FOXK1: variants seen among roughly 807,000 people sequenced by gnomAD.
The protein encoded by FOXK1 is forkhead box protein K1.
Under a neutral mutation model 51.9 loss-of-function variants are expected in FOXK1, and 19 were observed. The ratio of observed to expected loss-of-function variants is 0.37; its 90% confidence interval spans 0.26 to 0.54. The LOEUF is 0.54. FOXK1 is among the 20% of genes least tolerant of loss of function. The probability of loss-of-function intolerance (pLI) is 0.87; values close to 1 mark genes in which losing one functional copy is unlikely to be tolerated. For synonymous variants in FOXK1, 537 were observed against 482.6 expected (o/e 1.11, Z -1.48); for missense variants, 870 against 1,032.7 (o/e 0.84, Z 2.16).
chr7:4,694,342 A>T (rs184149172), intron 1 of FOXK1, among the ~76,000 whole-genome samples: 7 of 152,124 alleles, frequency 4.6e-5, no homozygotes, highest in East Asian at 3.9e-4. Flanking sequence ...ATAAAAATTC[A>T]TTTTCTCCCT....
At chr7:4,750,861 C>T (rs556171384) in intron 2 of FOXK1, among the ~76,000 whole-genome samples, 27 of 151,892 alleles carry the variant, frequency 1.8e-4, no homozygotes, top group African/African-American at 5.3e-4. Flanking sequence ...TGCACCACCA[C>T]GTCTGGCTGA....
At position 4,729,306 on chromosome 7, in the gene FOXK1, G is replaced by A. The variant is rs542814574; in HGVS notation, c.561-11532G>A. ...GGAACGTCTGCTAGAAATGCAGATC[G>A]CTGGGGCCACCGCCGTTTGGCCGTG... On this transcript the variant is annotated intron_variant, in intron 1 of 8. Coordinates refer to ENST00000328914, the MANE Select transcript of FOXK1 (RefSeq NM_001037165.2). This position sits in a 1 kb window ranked among gnomAD's most constrained non-coding sequence, Gnocchi z 6.2. 2.6e-5 allele frequency among the ~76,000 whole-genome samples: 4 copies of A among 152,138 alleles called. No individual in the cohort carries two copies. The highest frequency in any genetic ancestry group is 2.1e-4 in the South Asian group (1 of 4,828).
rs1404112861 is a variant in FOXK1, at chr7:4,683,641, C to A, written c.560+773C>A. On this transcript the variant is annotated intron_variant, in intron 1 of 8. Coordinates refer to ENST00000328914, the MANE Select transcript of FOXK1 (RefSeq NM_001037165.2). This position sits in a 1 kb window ranked among gnomAD's most constrained non-coding sequence, Gnocchi z 4.5. ...AGCCTGACCTGGTTCTCAGGACCACCCCCGACCCCCACCAGCCAGGGCCTC... is the reference window on the plus strand; with the variant it reads ...AGCCTGACCTGGTTCTCAGGACCACACCCGACCCCCACCAGCCAGGGCCTC... 3.9e-5 allele frequency among the ~76,000 whole-genome samples: 6 copies of A among 152,120 alleles called. No individual in the cohort carries two copies. Among genetic ancestry groups the A allele is most frequent in the Non-Finnish European group, 8.8e-5 (6 of 68,002 alleles).
chr7:4,752,257 G>A (rs1780789261), intron 2 of FOXK1, among the ~76,000 whole-genome samples: 1 of 152,228 alleles, frequency 6.6e-6, no homozygotes, highest in African/African-American at 2.4e-5. Flanking sequence ...CAGTCCTCCT[G>A]CCTCAGCCTC....
chr7:4,687,923 GT>G (rs1332825687), intron 1 of FOXK1, among the ~76,000 whole-genome samples: 1 of 152,072 alleles, frequency 6.6e-6, no homozygotes, highest in African/African-American at 2.4e-5. Flanking sequence ...TAGAGACAGG[GT>G]CTCAACCATG....
rs938334764 is a variant in FOXK1 at position 4,731,691 on chromosome 7, G to A, written c.561-9147G>A. Reference sequence around the variant, plus strand: ...AGGAGAATCGCTTGGACCTGGAGGCGGAGGTTGCAGTGAGCTGAGATTGCA... The same window carrying A: ...AGGAGAATCGCTTGGACCTGGAGGCAGAGGTTGCAGTGAGCTGAGATTGCA... On this transcript the variant is annotated intron_variant, in intron 1 of 8. Coordinates refer to ENST00000328914, the MANE Select transcript of FOXK1 (RefSeq NM_001037165.2). This position sits in a 1 kb window ranked among gnomAD's most constrained non-coding sequence, Gnocchi z 5.3. Among the ~76,000 whole-genome samples, 3 of 151,374 alleles carry A rather than the reference G, an allele frequency of 2.0e-5. No homozygotes were observed. Among genetic ancestry groups the A allele is most frequent in the African/African-American group, 2.4e-5 (1 of 41,152 alleles).
intron 2 of FOXK1, among the ~76,000 whole-genome samples, chr7:4,741,391 C>T (rs1447707964): frequency 3.3e-5 from 5 of 152,082 alleles, no homozygotes; most frequent in South Asian, 2.1e-4. Context: ...AGCAGTGGCG[C>T]GATCTCGGCT....
chr7:4,761,330 T>C lies in FOXK1; in HGVS notation c.1921+42T>C, dbSNP rs376583783. ...GTTCTCCATGCCACATCCCAAGCTC[T>C]GTGGCTCCCAGTAGTCAGTGCGGCA... On this transcript the variant is annotated intron_variant, in intron 8 of 8. Coordinates refer to ENST00000328914, the MANE Select transcript of FOXK1 (RefSeq NM_001037165.2). The surrounding 1 kb of genome is among the most constrained non-coding windows in gnomAD (Gnocchi z 6.2). The C allele has an allele frequency of 1.5e-5, 23 of 1,572,072 alleles. No individual in the cohort carries two copies. In the African/African-American group the frequency reaches 2.0e-4, roughly 14 times the overall value.
At position 4,762,081 on chromosome 7, in the gene FOXK1, C is replaced by A. The variant is rs1028542634; in HGVS notation, c.1922-103C>A. On this transcript the variant is annotated intron_variant, in intron 8 of 8. Coordinates refer to ENST00000328914, the MANE Select transcript of FOXK1 (RefSeq NM_001037165.2). This position sits in a 1 kb window ranked among gnomAD's most constrained non-coding sequence, Gnocchi z 5.7. ...TCCTGCCTGGCAGGGGTGCACTGAC[C>A]TCCGGTTCCGGCTTGGTGGCTTAGC... 1.1e-4 allele frequency: 153 copies of A among 1,381,438 alleles called. No individual in the cohort carries two copies. Among genetic ancestry groups the A allele is most frequent in the Non-Finnish European group, 1.5e-4 (152 of 1,024,782 alleles). 85.6% of individuals were successfully genotyped at this position (1,381,438 alleles called of 1,614,324 possible).
Position 4,769,631 on chromosome 7 carries a change from G to C in FOXK1, c.*7167G>C, listed in dbSNP as rs1052981239. On this transcript the variant is annotated 3_prime_UTR_variant, in exon 9 of 9. Transcript: ENST00000328914. The surrounding 1 kb of genome is among the most constrained non-coding windows in gnomAD (Gnocchi z 4.1). ...ATTTTTGTATTTCTAATAGAGATGA[G>C]AGTGTTACCATGTTGGTCAGGCTGG... The C allele has an allele frequency of 6.6e-6, 1 of 152,210 alleles. No individual in the cohort carries two copies. The highest frequency in any genetic ancestry group is 2.4e-5 in the African/African-American group (1 of 41,418). The allele number at this position is 152,210 out of a possible 1,614,324, so 9.4% of individuals were successfully genotyped here. A position where few individuals can be genotyped will look rare whatever the true frequency, so the allele number is the denominator to read the frequency against.
chr7:4,683,115 G>A lies in FOXK1; in HGVS notation c.560+247G>A, dbSNP rs1779774460. The stretch of plus-strand genomic sequence containing the variant: ...CCTGAGGATCTCCTCCACTTTCCCC[G>A]GTCTGGATACCCCGTCGCCCCCGAC... On this transcript the variant is annotated intron_variant, in intron 1 of 8. Transcript: ENST00000328914. The surrounding 1 kb of genome is among the most constrained non-coding windows in gnomAD (Gnocchi z 4.5). Among the ~76,000 whole-genome samples, 1 of 149,340 alleles carries A rather than the reference G, an allele frequency of 6.7e-6. No individual in the cohort carries two copies. Among genetic ancestry groups the A allele is most frequent in the Non-Finnish European group, 1.5e-5 (1 of 67,432 alleles).
intron 5 of FOXK1, among the ~76,000 whole-genome samples, chr7:4,757,543 T>C (rs1780870991): frequency 7.1e-6 from 1 of 141,450 alleles, no homozygotes; most frequent in Non-Finnish European, 1.5e-5. Context: ...GGTAGGAGAA[T>C]CGCTTGAATC....
rs1413260912 is a variant in FOXK1 at position 4,749,050 on chromosome 7, C to T, written c.747-5409C>T. ...CCTCTGAGCTGAGTCTCTCATGCCT[C>T]TCCTTTCCTTTCTCTCTCTACTTTC... On this transcript the variant is annotated intron_variant, in intron 2 of 8. Transcript: ENST00000328914. The surrounding 1 kb of genome is among the most constrained non-coding windows in gnomAD (Gnocchi z 6.0). Among the ~76,000 whole-genome samples the T allele has an allele frequency of 6.6e-6, 1 of 152,192 alleles. No individual in the cohort carries two copies. Among genetic ancestry groups the T allele is most frequent in the Admixed American group, 6.5e-5 (1 of 15,276 alleles).
In FOXK1 at chr7:4,767,273, A is replaced by G. The variant is rs1781025191; in HGVS notation, c.*4809A>G. 1 of 152,218 alleles carries G rather than the reference A, an allele frequency of 6.6e-6. No homozygotes were observed. The highest frequency in any genetic ancestry group is 6.5e-5 in the Admixed American group (1 of 15,280). 9.4% of individuals were successfully genotyped at this position (152,218 alleles called of 1,614,324 possible). On this transcript the variant is annotated 3_prime_UTR_variant, in exon 9 of 9. Transcript: ENST00000328914. This position sits in a 1 kb window ranked among gnomAD's most constrained non-coding sequence, Gnocchi z 6.6. ...TGCAGGACGGAATCGCGCGCTCCTC[A>G]CGCTGGAGTAAGTTACGAAACATGA...
In FOXK1 at chr7:4,745,025, G is replaced by A. The variant is rs1780683618; in HGVS notation, c.746+4002G>A. Among the ~76,000 whole-genome samples the A allele has an allele frequency of 6.6e-6, 1 of 152,200 alleles. No individual in the cohort carries two copies. Among genetic ancestry groups the A allele is most frequent in the South Asian group, 2.1e-4 (1 of 4,832 alleles). On this transcript the variant is annotated intron_variant, in intron 2 of 8. Coordinates refer to ENST00000328914, the MANE Select transcript of FOXK1 (RefSeq NM_001037165.2). The surrounding 1 kb of genome is among the most constrained non-coding windows in gnomAD (Gnocchi z 4.3). ...CCTGCCAAGATACTTTTCAGTTTGA[G>A]TTTCTGCTGTAGGGTGGAGCCGGCG... is the stretch of plus-strand genomic sequence containing the variant.
At chr7:4,701,764 G>A (rs112923920) in intron 1 of FOXK1, among the ~76,000 whole-genome samples, 42 of 152,330 alleles carry the variant, frequency 2.8e-4, no homozygotes, top group Middle Eastern at 3.4e-3. Context: ...ATGGTGGCGG[G>A]CGCCTGTAGT....
rs572886919 is a variant in FOXK1, at chr7:4,711,090, CT to C, written c.560+28223del. Among the ~76,000 whole-genome samples, 294 of 152,300 alleles carry C rather than the reference CT, an allele frequency of 1.9e-3. No individual in the cohort carries two copies. The highest frequency in any genetic ancestry group is 6.7e-3 in the African/African-American group (280 of 41,570). ...ATGGATGGAGACGGCTGTCCATCAGCTGTGCAGGGCCAAGCTGGGCCTGGAT... is the reference window on the plus strand; with the variant it reads ...ATGGATGGAGACGGCTGTCCATCAGCGTGCAGGGCCAAGCTGGGCCTGGAT... On this transcript the variant is annotated intron_variant, in intron 1 of 8. Transcript: ENST00000328914. This position sits in a 1 kb window ranked among gnomAD's most constrained non-coding sequence, Gnocchi z 6.3.
chr7:4,722,470 A>G lies in FOXK1; in HGVS notation c.561-18368A>G, dbSNP rs376408300. Among the ~76,000 whole-genome samples, 3 of 152,180 alleles carry G rather than the reference A, an allele frequency of 2.0e-5. No homozygotes were observed. The highest frequency in any genetic ancestry group is 4.4e-5 in the Non-Finnish European group (3 of 68,042). On this transcript the variant is annotated intron_variant, in intron 1 of 8. Coordinates refer to ENST00000328914, the MANE Select transcript of FOXK1 (RefSeq NM_001037165.2). This position sits in a 1 kb window ranked among gnomAD's most constrained non-coding sequence, Gnocchi z 5.1. ...CAAGTGGCAGCGGTGCCGGACATAC[A>G]CGGCAGGGCAGTGGGCTGCTCAGCA...
rs1029379591 is a variant in FOXK1 at position 4,730,699 on chromosome 7, C to T, written c.561-10139C>T. On this transcript the variant is annotated intron_variant, in intron 1 of 8. Coordinates refer to ENST00000328914, the MANE Select transcript of FOXK1 (RefSeq NM_001037165.2). This position sits in a 1 kb window ranked among gnomAD's most constrained non-coding sequence, Gnocchi z 4.7. The stretch of plus-strand genomic sequence containing the variant: ...CACTGCTCTTAGCTGCTGGCGAAGA[C>T]GTGGTCTCTGCAATAGAGAGGCGCC... Among the ~76,000 whole-genome samples, 2 of 152,170 alleles carry T rather than the reference C, an allele frequency of 1.3e-5. No individual in the cohort carries two copies. The highest frequency in any genetic ancestry group is 2.9e-5 in the Non-Finnish European group (2 of 68,028).
Sources: gnomAD v4.1 joint callset for allele counts (sites outside exome capture counted in the v4.1 genomes callset) on GRCh38, gnomAD v4.1.1 for gene constraint, Gnocchi (gnomAD v3.1) non-coding constraint, MANE v1.5 for transcripts, NCBI Gene and HGNC (gene_info 2026-07-23, HGNC 2026-07-21) for gene names.